The following PRKCH variants were observed in gnomAD, a reference collection of about 807,000 sequenced individuals.
PRKCH encodes the protein protein kinase C eta type.
A neutral mutation model predicts 82.5 loss-of-function variants in PRKCH; 28 were observed. The ratio of observed to expected loss-of-function variants is 0.34; its 90% CI spans 0.25 to 0.47. The LOEUF is 0.47. Ranked by LOEUF, PRKCH falls within the 20% of genes least tolerant of loss-of-function variation. PRKCH has a pLI of 1.00. For synonymous variants in PRKCH, 322 were observed against 327.4 expected (o/e 0.98, Z 0.18); for missense variants, 705 against 881.8 (o/e 0.80, Z 2.54).
At chr14:61,445,584 ATTGTGTTTTTCATAAAGGAGGAGAG>A in intron 3 of PRKCH, 83 bp from the exon 4 acceptor site, 2 of 975,738 alleles carry the variant, frequency 2.0e-6, no homozygotes, top group East Asian at 4.8e-5. Flanking sequence ...CTTCCCTGAA[ATTGTGTTTTTCATAAAGGAGGAGAG>A]GATGAAATTT....
chr14:61,341,527 G>A (rs539946710), intron 1 of PRKCH, among the ~76,000 whole-genome samples: 10 of 152,304 alleles, frequency 6.6e-5, no homozygotes, highest in African/African-American at 2.4e-4. Flanking sequence ...GTAGATGCTG[G>A]GGGTGAAAAG....
chr14:61,489,964 G>T (rs149040683), intron 10 of PRKCH, among the ~76,000 whole-genome samples: 6 of 152,312 alleles, frequency 3.9e-5, no homozygotes, highest in East Asian at 3.9e-4. Context: ...TACTGTATCT[G>T]AAATATGTTG....
At chr14:61,345,364 A>G (rs1460881977) in intron 1 of PRKCH, among the ~76,000 whole-genome samples, 1 of 152,224 alleles carries the variant, frequency 6.6e-6, no homozygotes, top group Non-Finnish European at 1.5e-5. Context: ...GCAGCAATAG[A>G]AAACAAAACA....
intron 1 of PRKCH, among the ~76,000 whole-genome samples, chr14:61,248,988 GA>G (rs2044914224): frequency 6.6e-6 from 1 of 152,010 alleles, no homozygotes; most frequent in Non-Finnish European, 1.5e-5. Flanking sequence ...ATTCGGTAGC[GA>G]CGGGGTTTCG....
At position 61,221,636 on chromosome 14, in the gene PRKCH, G is replaced by T. The variant is rs566000197; in HGVS notation, c.-19+33968G>T. 3.3e-4 allele frequency among the ~76,000 whole-genome samples: 50 copies of T among 152,212 alleles called. No individual in the cohort carries two copies. In the East Asian group the frequency reaches 4.6e-3, roughly 14 times the overall value. On this transcript the variant is annotated intron_variant, in intron 1 of 3. Transcript: ENST00000555185. ...TGTAGCTGGCACTCTGTTCCCCGGG[G>T]ATAGGACCTTGGTCCCCACTTAGAG...
intron 1 of PRKCH, among the ~76,000 whole-genome samples, chr14:61,295,587 G>A (rs2140100887): frequency 6.6e-6 from 1 of 152,342 alleles, no homozygotes; most frequent in East Asian, 1.9e-4. Context: ...CTTAAATGGG[G>A]TAATGCCGAA....
intron 10 of PRKCH, among the ~76,000 whole-genome samples, chr14:61,496,265 C>T (rs764611435): frequency 1.3e-4 from 20 of 152,284 alleles, no homozygotes; most frequent in Non-Finnish European, 2.5e-4. Flanking sequence ...AGGTAAGTGG[C>T]ATTATCCTTA....
intron 1 of PRKCH, among the ~76,000 whole-genome samples, chr14:61,226,873 C>T (rs10133587): frequency 0.2 from 30,974 of 151,980 alleles, 3,524 homozygotes; most frequent in Middle Eastern, 0.28. Context: ...TTCCACTTCC[C>T]ATTACCACCA....
chr14:61,256,573 C>G (rs189587474), intron 1 of PRKCH, among the ~76,000 whole-genome samples: 4 of 152,222 alleles, frequency 2.6e-5, no homozygotes, highest in Admixed American at 2.6e-4. Flanking sequence ...AAACTCGCCC[C>G]GCATCAAGAA....
At chr14:61,272,347 T>A (rs1453168162) in intron 1 of PRKCH, among the ~76,000 whole-genome samples, 48 of 6,310 alleles carry the variant, frequency 7.6e-3, no homozygotes, top group African/African-American at 0.02. Context: ...TTTCTTTCTT[T>A]TTTTTTTTTT....
chr14:61,390,131 A>T lies in PRKCH; in HGVS notation c.364-1094A>T, dbSNP rs2046652691. On this transcript the variant is annotated intron_variant, in intron 1 of 13. Coordinates refer to ENST00000332981, the MANE Select transcript of PRKCH (RefSeq NM_006255.5). ...CACAATGCAAGGCTTAGAGGTGTTCATGGATAGTGAAGTTAGCATCCGGTA... is the reference window on the plus strand; with the variant it reads ...CACAATGCAAGGCTTAGAGGTGTTCTTGGATAGTGAAGTTAGCATCCGGTA... 1.3e-5 allele frequency among the ~76,000 whole-genome samples: 2 copies of T among 152,190 alleles called. 1 individual carries two copies. The highest frequency in any genetic ancestry group is 4.1e-4 in the South Asian group (2 of 4,834).
chr14:61,499,751 A>G (rs116617255), intron 10 of PRKCH, among the ~76,000 whole-genome samples: 1,415 of 85,724 alleles, frequency 0.017, 25 homozygotes, highest in African/African-American at 0.049. Context: ...TTAAACACCT[A>G]TAAGCAAAGA....
intron 10 of PRKCH, among the ~76,000 whole-genome samples, chr14:61,526,800 G>A (rs1411076803): frequency 2.0e-5 from 3 of 152,262 alleles, no homozygotes; most frequent in Non-Finnish European, 2.9e-5. Flanking sequence ...GGGGCTCCAG[G>A]CGGCCCAAGG....
chr14:61,292,298 A>C (rs2045370028), intron 1 of PRKCH, among the ~76,000 whole-genome samples: 1 of 150,444 alleles, frequency 6.6e-6, no homozygotes, highest in Non-Finnish European at 1.5e-5. Flanking sequence ...CAGCCTAGGA[A>C]ACCCTGTCTC....
intron 2 of PRKCH, among the ~76,000 whole-genome samples, chr14:61,425,063 A>G (rs1045590995): frequency 6.6e-6 from 1 of 152,230 alleles, no homozygotes; most frequent in African/African-American, 2.4e-5. Context: ...GGATGTATGG[A>G]AATACCTGGA....
At chr14:61,512,249 CTTTTT>C (rs11342820) in intron 10 of PRKCH, among the ~76,000 whole-genome samples, 1 of 118,536 alleles carries the variant, frequency 8.4e-6, no homozygotes, top group South Asian at 2.7e-4. Context: ...TCACATGACC[CTTTTT>C]TTTTTTTTTT....
At chr14:61,253,556 T>C (rs143795894) in intron 1 of PRKCH, among the ~76,000 whole-genome samples, 148 of 152,304 alleles carry the variant, frequency 9.7e-4, no homozygotes, top group Non-Finnish European at 1.5e-3. Context: ...AAAGAGGAAG[T>C]TCCCTTGCAC....
intron 2 of PRKCH, among the ~76,000 whole-genome samples, chr14:61,418,803 A>G (rs924211231): frequency 1.3e-5 from 2 of 152,192 alleles, no homozygotes; most frequent in Non-Finnish European, 1.5e-5. Context: ...CCTGGGAATT[A>G]TACTCTGCCC....
At chr14:61,395,542 T>C (rs1253505369) in intron 2 of PRKCH, among the ~76,000 whole-genome samples, 1 of 152,186 alleles carries the variant, frequency 6.6e-6, no homozygotes, top group African/African-American at 2.4e-5. Context: ...CCTAGGATCC[T>C]GGAGGCACTG....
Sources: gnomAD v4.1 joint callset for allele counts (sites outside exome capture counted in the v4.1 genomes callset) on GRCh38, gnomAD v4.1.1 for gene constraint, MANE v1.5 for transcripts, NCBI Gene and HGNC (gene_info 2026-07-23, HGNC 2026-07-21) for gene names.